Variants in DCHS2 observed in about 807,000 individuals in gnomAD.
DCHS2 encodes protocadherin-23.
A neutral mutation model predicts 182.4 loss-of-function variants in DCHS2; 142 were observed. That is an observed-to-expected ratio of 0.78 (90% CI 0.68 to 0.89). The LOEUF (loss-of-function observed/expected upper bound fraction) is 0.89, where lower values mean the gene tolerates loss of function less well. Among genes scored for constraint, DCHS2 ranks in the 40% least tolerant of loss-of-function variants. The pLI is 0.00. For synonymous variants in DCHS2, 1,740 were observed against 1,663.3 expected, an observed-to-expected ratio of 1.05 and a Z score of -1.12; for missense variants, 4,319 against 4,198.6, an observed-to-expected ratio of 1.03 and a Z score of -0.79.
intron 8 of DCHS2, among the ~76,000 whole-genome samples, chr4:154,321,726 T>C (rs965808902): frequency 2.0e-5 from 3 of 152,216 alleles, no homozygotes; most frequent in Non-Finnish European, 4.4e-5. Context: ...AACAGAGTTC[T>C]TGTGGATATA....
Position 154,439,783 on chromosome 4 carries a change from A to G in DCHS2, c.2052+49521T>C, listed in dbSNP as rs889537495. Reference sequence around the variant, plus strand: ...AACAAAATCCAGAGGTGTATCTAGTAACTATTATAATTTCAAAGTAGTTAT... The same window carrying G: ...AACAAAATCCAGAGGTGTATCTAGTGACTATTATAATTTCAAAGTAGTTAT... On this transcript the variant is annotated intron_variant, in intron 1 of 19. Transcript: ENST00000357232. Among the ~76,000 whole-genome samples, 17 of 152,324 alleles carry G rather than the reference A, an allele frequency of 1.1e-4. No individual in the cohort carries two copies. The East Asian group carries it at 3.3e-3, about 29-fold the overall frequency.
intron 16 of DCHS2, among the ~76,000 whole-genome samples, chr4:154,247,937 T>A (rs968123078): frequency 1.1e-4 from 16 of 152,090 alleles, no homozygotes; most frequent in African/African-American, 3.9e-4. Flanking sequence ...TAAACCAAAG[T>A]TATCGGATCT....
chr4:154,302,981 A>AT (rs1203490247), intron 12 of DCHS2, among the ~76,000 whole-genome samples: 11 of 90,368 alleles, frequency 1.2e-4, no homozygotes, highest in African/African-American at 4.3e-4. Context: ...ACACACACAC[A>AT]TATTTTTTTT....
intron 1 of DCHS2, among the ~76,000 whole-genome samples, chr4:154,477,880 G>A (rs1735752384): frequency 6.6e-6 from 1 of 152,154 alleles, no homozygotes; most frequent in Non-Finnish European, 1.5e-5. Flanking sequence ...CACAGTGAAT[G>A]ACTTTTCCTA....
At chr4:154,411,294 A>G (rs1732622398) in intron 1 of DCHS2, among the ~76,000 whole-genome samples, 1 of 152,186 alleles carries the variant, frequency 6.6e-6, no homozygotes, top group Non-Finnish European at 1.5e-5. Context: ...AAAGTAGCAA[A>G]TAAAAAGAAT....
intron 6 of DCHS2, 93 bp from the exon 7 acceptor site, chr4:154,328,285 A>G: frequency 1.3e-6 from 1 of 798,910 alleles, no homozygotes. Context: ...ATTATACTAA[A>G]CATTTTAAAC....
At chr4:154,448,224 G>A (rs942693432) in intron 1 of DCHS2, among the ~76,000 whole-genome samples, 7 of 152,020 alleles carry the variant, frequency 4.6e-5, no homozygotes, top group African/African-American at 1.7e-4. Flanking sequence ...TGACATGTGG[G>A]CGCTCCTCTC....
rs1312291715 is a variant in DCHS2, at chr4:154,490,803, C to T, written c.553G>A (p.Ala185Thr). 1.9e-6 allele frequency: 3 copies of T among 1,551,508 alleles called. No individual in the cohort carries two copies. Among genetic ancestry groups the T allele is most frequent in the Middle Eastern group, 1.7e-4 (1 of 5,990 alleles). The change falls in exon 1 of 20, where the codon GCC (alanine) becomes ACC (threonine). Residue 185 changes from alanine to threonine, a missense_variant. Ala to Thr is a moderately conservative substitution (Grantham distance 58). Transcript: ENST00000357232. ...TCGTGGGCAACTGGCAGGCGGAAGG[C>T]GGTCCCTGGCGGGCTGAGCTCGGAG... ...DVSELSPPGTAFRLPVAHDPD... is the reference protein window; with the variant it reads ...DVSELSPPGTTFRLPVAHDPD...
At chr4:154,458,267 T>C (rs1295249262) in intron 1 of DCHS2, among the ~76,000 whole-genome samples, 11 of 151,830 alleles carry the variant, frequency 7.2e-5, no homozygotes, top group Non-Finnish European at 4.4e-5. Flanking sequence ...TCTATAACTG[T>C]ATTAATAGAA....
chr4:154,383,006 A>G (rs988731653), intron 1 of DCHS2, among the ~76,000 whole-genome samples: 1 of 152,214 alleles, frequency 6.6e-6, no homozygotes, highest in Non-Finnish European at 1.5e-5. Flanking sequence ...AAAGGAAAAT[A>G]AATTATTCTA....
chr4:154,458,467 G>A (rs929748568), intron 1 of DCHS2, among the ~76,000 whole-genome samples: 5 of 152,214 alleles, frequency 3.3e-5, no homozygotes, highest in Admixed American at 2.6e-4. Flanking sequence ...TATCATATAA[G>A]CACCTCACAG....
chr4:154,382,297 A>G (rs1731205835), intron 1 of DCHS2, among the ~76,000 whole-genome samples: 1 of 152,146 alleles, frequency 6.6e-6, no homozygotes, highest in African/African-American at 2.4e-5. Context: ...AATTTCAACT[A>G]GATGAATTTT....
intron 17 of DCHS2, among the ~76,000 whole-genome samples, chr4:154,242,394 T>C (rs1731868779): frequency 6.6e-6 from 1 of 152,190 alleles, no homozygotes; most frequent in Non-Finnish European, 1.5e-5. Flanking sequence ...ATGTCTGCAT[T>C]ATAAACAGAT....
intron 7 of DCHS2, among the ~76,000 whole-genome samples, chr4:154,327,250 T>C (rs1454331932): frequency 6.6e-6 from 1 of 152,166 alleles, no homozygotes; most frequent in Non-Finnish European, 1.5e-5. Context: ...CTTAGCTTCA[T>C]TAGTTTCACA....
chr4:154,324,553 A>T lies in DCHS2; in HGVS notation c.4019-2065T>A, dbSNP rs1024000248. On this transcript the variant is annotated intron_variant, in intron 7 of 19. Coordinates refer to ENST00000357232, the MANE Select transcript of DCHS2 (RefSeq NM_001358235.2). ...ATTCATATTGATGCTTATAATTTAG[A>T]TTGGTATCATAAGGTTTTGAGTTAA... Among the ~76,000 whole-genome samples the T allele has an allele frequency of 2.5e-3, 379 of 152,272 alleles. 3 individuals carry two copies. The highest frequency in any genetic ancestry group is 8.6e-3 in the African/African-American group (357 of 41,548).
At chr4:154,372,176 G>A (rs1360058441) in intron 2 of DCHS2, among the ~76,000 whole-genome samples, 1 of 152,136 alleles carries the variant, frequency 6.6e-6, no homozygotes, top group African/African-American at 2.4e-5. Context: ...AGGCAATTTA[G>A]TTAGAAAACA....
intron 13 of DCHS2, chr4:154,284,366 G>T (rs1314633824): frequency 6.6e-6 from 1 of 152,186 alleles, no homozygotes; most frequent in African/African-American, 2.4e-5. Context: ...TCCCCAGATT[G>T]TCCTCCCAAC....
intron 13 of DCHS2, among the ~76,000 whole-genome samples, chr4:154,279,591 T>A (rs1477777175): frequency 1.3e-5 from 2 of 151,986 alleles, no homozygotes; most frequent in African/African-American, 2.4e-5. Flanking sequence ...AGCTAGTAAA[T>A]TCTCAAGTAC....
intron 1 of DCHS2, among the ~76,000 whole-genome samples, chr4:154,417,950 A>G (rs1732943864): frequency 6.6e-6 from 1 of 152,112 alleles, no homozygotes; most frequent in African/African-American, 2.4e-5. Context: ...ATCTTTGCTT[A>G]TTTGCCAGCA....
Sources: allele counts gnomAD v4.1 joint callset (sites outside exome capture counted in the v4.1 genomes callset), GRCh38; gene constraint gnomAD v4.1.1; transcripts MANE v1.5; gene names NCBI Gene and HGNC (gene_info 2026-07-23, HGNC 2026-07-21).